Variants in PIK3R3 observed in about 807,000 individuals in gnomAD.
PIK3R3 encodes the protein phosphoinositide-3-kinase regulatory subunit 3.
In PIK3R3, 64 loss-of-function variants were observed where a neutral mutation model predicts 62.9. The ratio of observed to expected loss-of-function variants is 1.02; its 90% CI spans 0.83 to 1.25. PIK3R3 has a LOEUF of 1.25. Ranked by LOEUF, PIK3R3 falls within the 50% of genes most tolerant of loss-of-function variation. PIK3R3 has a pLI of 0.00. For synonymous variants in PIK3R3, 165 were observed against 189.0 expected, an observed-to-expected ratio of 0.87 and a Z score of 1.04; for missense variants, 614 against 561.6, an observed-to-expected ratio of 1.09 and a Z score of -0.94.
chr1:46,081,478 C>T (rs768316566), intron 1 of PIK3R3, among the ~76,000 whole-genome samples: 5 of 152,112 alleles, frequency 3.3e-5, no homozygotes, highest in African/African-American at 4.8e-5. Flanking sequence ...CATAGAAGCA[C>T]AAACCCTACT....
intron 1 of PIK3R3, among the ~76,000 whole-genome samples, chr1:46,127,342 CA>C (rs11337913): frequency 0.4 from 50,083 of 126,232 alleles, 9,340 homozygotes; most frequent in East Asian, 0.6. Context: ...GACCCTGCCT[CA>C]AAAAAAAAAA....
At chr1:46,105,213 C>A in intron 1 of PIK3R3, 1 of 447,872 alleles carries the variant, frequency 2.2e-6, no homozygotes, top group Non-Finnish European at 4.1e-6. Context: ...GTTTAAAAAA[C>A]AGCTCATCAG....
chr1:46,058,804 G>A (rs1359814752), intron 6 of PIK3R3, among the ~76,000 whole-genome samples: 1 of 152,192 alleles, frequency 6.6e-6, no homozygotes, highest in East Asian at 1.9e-4. Context: ...TGTCTCAGAT[G>A]AGACTTTGGA....
At chr1:46,169,273 C>G in the PIK3R3 span, among the ~76,000 whole-genome samples, 1 of 152,158 alleles carries the variant, frequency 6.6e-6, no homozygotes. Context: ...CCTCCCTGGA[C>G]CTCTGTTCCT....
At chr1:46,138,254 G>A in the PIK3R3 span, among the ~76,000 whole-genome samples, 2 of 152,202 alleles carry the variant, frequency 1.3e-5, no homozygotes, top group Non-Finnish European at 2.9e-5. Flanking sequence ...TTTCTGGAAT[G>A]TCCAATAATT....
At chr1:46,158,427 T>A in the PIK3R3 span, among the ~76,000 whole-genome samples, 1 of 152,218 alleles carries the variant, frequency 6.6e-6, no homozygotes, top group Non-Finnish European at 1.5e-5. Flanking sequence ...CCACTTCATC[T>A]TCATCCACCC....
chr1:46,124,796 CAA>C (rs55985922), intron 1 of PIK3R3, among the ~76,000 whole-genome samples: 72,258 of 108,092 alleles, frequency 0.67, 21,526 homozygotes, highest in Non-Finnish European at 0.7. Flanking sequence ...AACTCTTTTT[CAA>C]AAAAAAAAAA....
At chr1:46,171,217 T>C in the PIK3R3 span, among the ~76,000 whole-genome samples, 1 of 152,272 alleles carries the variant, frequency 6.6e-6, no homozygotes, top group East Asian at 1.9e-4. Flanking sequence ...AGCCCAGTCC[T>C]AGGGCCCAAC....
chr1:46,066,140 T>TA lies in PIK3R3; in HGVS notation c.534dup (p.Lys179Ter). ...TGAGAGTGGTATTCTTGCAGTTTTT[T>TA]ACCTACTGCATCAATATTATCTTCT... On this transcript the variant is annotated frameshift_variant, in exon 5 of 10. Transcript: ENST00000262741. LOFTEE classifies it high-confidence loss of function. 6.3e-7 allele frequency: 1 copy of TA among 1,587,074 alleles called. No homozygotes were observed. The highest frequency in any genetic ancestry group is 1.7e-5 in the Admixed American group (1 of 59,984).
intron 3 of PIK3R3, among the ~76,000 whole-genome samples, chr1:46,073,123 T>TA (rs1485717011): frequency 6.6e-6 from 1 of 151,968 alleles, no homozygotes; most frequent in Non-Finnish European, 1.5e-5. Context: ...GAGAAGAAAA[T>TA]AGACAGTGAG....
chr1:46,148,669 CAAAT>C, the PIK3R3 span, among the ~76,000 whole-genome samples: 1 of 151,580 alleles, frequency 6.6e-6, no homozygotes, highest in African/African-American at 2.4e-5. Flanking sequence ...GAGCATTTCT[CAAAT>C]AAAATCTGAG....
intron 5 of PIK3R3, among the ~76,000 whole-genome samples, chr1:46,064,689 G>T (rs1648834454): frequency 1.3e-5 from 2 of 150,816 alleles, no homozygotes. Flanking sequence ...AAACACAAGG[G>T]GCAAAAGAAG....
intron 1 of PIK3R3, among the ~76,000 whole-genome samples, chr1:46,089,485 G>A (rs892413322): frequency 6.6e-6 from 1 of 152,138 alleles, no homozygotes; most frequent in Non-Finnish European, 1.5e-5. Context: ...GGAGGCCAAG[G>A]TGGGCGGATC....
At chr1:46,073,347 G>A (rs1023072886) in intron 3 of PIK3R3, among the ~76,000 whole-genome samples, 9 of 152,058 alleles carry the variant, frequency 5.9e-5, no homozygotes, top group Non-Finnish European at 1.0e-4. Flanking sequence ...TTTAAGGTCC[G>A]GCCTACAGAG....
At chr1:46,161,380 G>A in the PIK3R3 span, among the ~76,000 whole-genome samples, 1 of 151,564 alleles carries the variant, frequency 6.6e-6, no homozygotes, top group African/African-American at 2.4e-5. Context: ...TTACAGGCAT[G>A]AGCCACTGCA....
rs370501368 is a variant in PIK3R3 at position 46,045,644 on chromosome 1, T to TTTTTTTTTTTCC, written c.1187+273_1187+274insGGAAAAAAAAAA. On this transcript the variant is annotated intron_variant, in intron 9 of 9. Coordinates refer to ENST00000262741, the MANE Select transcript of PIK3R3 (RefSeq NM_003629.4). ...TTTTTTTTTTTTTTTTTTTTTTTTT[T>TTTTTTTTTTTCC]CAATTTAAGATCTCACATTACCTTT... 7.3e-5 allele frequency among the ~76,000 whole-genome samples: 6 copies of TTTTTTTTTTTCC among 82,596 alleles called. 1 individual carries two copies. The highest frequency in any genetic ancestry group is 1.4e-4 in the Non-Finnish European group (6 of 42,654). The allele number at this position is 82,596 out of a possible 152,430, so 54.2% of individuals were successfully genotyped here.
At chr1:46,095,092 G>C (rs1158216468) in intron 1 of PIK3R3, among the ~76,000 whole-genome samples, 1 of 152,010 alleles carries the variant, frequency 6.6e-6, no homozygotes, top group African/African-American at 2.4e-5. Flanking sequence ...AAGACCTAAA[G>C]GCAGAAATAC....
At chr1:46,155,292 C>T in the PIK3R3 span, among the ~76,000 whole-genome samples, 2 of 151,318 alleles carry the variant, frequency 1.3e-5, no homozygotes, top group Admixed American at 1.3e-4. Context: ...CTATGCACTC[C>T]AGCCTAGATG....
chr1:46,074,283 C>A (rs1216762560), intron 3 of PIK3R3, among the ~76,000 whole-genome samples: 1 of 73,980 alleles, frequency 1.4e-5, no homozygotes, highest in Non-Finnish European at 2.4e-5. Flanking sequence ...AGCTAGACTC[C>A]GTCAAAAAAA....
Sources: allele counts gnomAD v4.1 joint callset (sites outside exome capture counted in the v4.1 genomes callset), GRCh38; gene constraint gnomAD v4.1.1; transcripts MANE v1.5; gene names NCBI Gene and HGNC (gene_info 2026-07-23, HGNC 2026-07-21).